Variants in KIF16B observed in about 807,000 individuals in gnomAD.
KIF16B encodes the protein kinesin-like protein KIF16B.
A neutral mutation model predicts 156.3 loss-of-function variants in KIF16B; 98 were observed. The observed-to-expected ratio is 0.63, with a 90% CI of 0.53 to 0.74. The LOEUF is 0.74. Among genes scored for constraint, KIF16B ranks in the 30% least tolerant of loss-of-function variants. KIF16B has a pLI of 0.00. For missense variants in KIF16B, 1,421 were observed against 1,606.5 expected (o/e 0.88, Z 1.97); for synonymous variants, 564 against 583.7 (o/e 0.97, Z 0.49).
At position 16,505,856 on chromosome 20, in the gene KIF16B, A is replaced by T; in HGVS notation, c.869-3T>A. The T allele has an allele frequency of 1.2e-6, 2 of 1,613,634 alleles. No individual in the cohort carries two copies. The highest frequency in any genetic ancestry group is 1.7e-6 in the Non-Finnish European group (2 of 1,179,860). On this transcript the variant is annotated splice_polypyrimidine_tract_variant and splice_region_variant and intron_variant, in intron 8 of 25. Coordinates refer to ENST00000354981, the MANE Select transcript of KIF16B (RefSeq NM_024704.5). ...TGCAGCATCCTGAGATAAATCAGCT[A>T]TGAAAAGGAAGAAACAAAGGGGAGA...
At chr20:16,338,284 C>T (rs1290435437) in intron 23 of KIF16B, among the ~76,000 whole-genome samples, 1 of 152,180 alleles carries the variant, frequency 6.6e-6, no homozygotes, top group African/African-American at 2.4e-5. Flanking sequence ...TTGTTCTTCA[C>T]TCCAACTTCC....
intron 25 of KIF16B, among the ~76,000 whole-genome samples, chr20:16,298,005 T>C (rs1412973052): frequency 2.6e-5 from 4 of 152,178 alleles, no homozygotes; most frequent in Non-Finnish European, 5.9e-5. Context: ...CAACATTCCA[T>C]TGGCTCCTGG....
chr20:16,565,743 C>A (rs2071229050), intron 1 of KIF16B, among the ~76,000 whole-genome samples: 1 of 152,230 alleles, frequency 6.6e-6, no homozygotes, highest in Non-Finnish European at 1.5e-5. Context: ...GGAGTTCCCA[C>A]CAGCACCCCG....
intron 3 of KIF16B, 151 bp downstream of exon 3, chr20:16,525,941 A>C: frequency 2.0e-6 from 1 of 499,366 alleles, no homozygotes; most frequent in South Asian, 3.6e-5. Context: ...CTCCTACATA[A>C]CACTCAGAAA....
intron 15 of KIF16B, among the ~76,000 whole-genome samples, chr20:16,414,063 C>T (rs979821428): frequency 6.6e-6 from 1 of 151,948 alleles, no homozygotes; most frequent in East Asian, 1.9e-4. Context: ...ATCTAATTTC[C>T]ACTAATACAT....
chr20:16,539,422 A>C lies in KIF16B; in HGVS notation c.48-10982T>G, dbSNP rs944682304. Among the ~76,000 whole-genome samples, 8 of 152,322 alleles carry C rather than the reference A, an allele frequency of 5.3e-5. No homozygotes were observed. In the South Asian group the frequency reaches 1.7e-3, roughly 32 times the overall value. On this transcript the variant is annotated intron_variant, in intron 1 of 25. Transcript: ENST00000354981. The stretch of plus-strand genomic sequence containing the variant: ...ATGCCTTAGCAAAGAACTTGGCTGC[A>C]TTGTGTCCATGCCCTAGAGATCTGT...
chr20:16,323,408 C>T (rs760626730), intron 24 of KIF16B, among the ~76,000 whole-genome samples: 12 of 151,960 alleles, frequency 7.9e-5, no homozygotes, highest in South Asian at 2.1e-4. Context: ...CATCAAAAGG[C>T]TCCATAATTC....
At chr20:16,360,629 C>T (rs751241047) in intron 22 of KIF16B, among the ~76,000 whole-genome samples, 13 of 152,142 alleles carry the variant, frequency 8.5e-5, no homozygotes, top group Non-Finnish European at 1.8e-4. Context: ...ACTTGAATTA[C>T]ATATCTGTAC....
intron 17 of KIF16B, chr20:16,382,137 G>T: frequency 7.4e-7 from 1 of 1,348,002 alleles, no homozygotes; most frequent in East Asian, 4.6e-5. Flanking sequence ...AAGACTGCCA[G>T]GGAGGTGGAG....
At chr20:16,481,927 C>T (rs1428613410) in intron 12 of KIF16B, among the ~76,000 whole-genome samples, 1 of 152,134 alleles carries the variant, frequency 6.6e-6, no homozygotes. Flanking sequence ...TTTGCCTGTC[C>T]TCGTTTCTCA....
intron 25 of KIF16B, among the ~76,000 whole-genome samples, chr20:16,301,126 T>C (rs1466722365): frequency 2.0e-5 from 3 of 152,234 alleles, no homozygotes; most frequent in Admixed American, 6.5e-5. Context: ...CTTAGTAATA[T>C]GCATTCAATG....
At chr20:16,325,871 A>G (rs1234048138) in intron 24 of KIF16B, among the ~76,000 whole-genome samples, 1 of 152,178 alleles carries the variant, frequency 6.6e-6, no homozygotes, top group Admixed American at 6.5e-5. Context: ...ACAAATCTAG[A>G]GGTGTCACTT....
At chr20:16,429,544 C>T (rs1346243646) in intron 13 of KIF16B, among the ~76,000 whole-genome samples, 1 of 152,128 alleles carries the variant, frequency 6.6e-6, no homozygotes, top group East Asian at 1.9e-4. Flanking sequence ...ACTGTACATA[C>T]AACAAAATCC....
intron 1 of KIF16B, among the ~76,000 whole-genome samples, chr20:16,547,431 T>C (rs922358671): frequency 6.6e-6 from 1 of 152,350 alleles, no homozygotes; most frequent in East Asian, 1.9e-4. Flanking sequence ...GACCTGACTT[T>C]GGTAAGTGAA....
intron 25 of KIF16B, among the ~76,000 whole-genome samples, chr20:16,293,962 C>T (rs1159112308): frequency 1.4e-4 from 21 of 151,528 alleles, no homozygotes; most frequent in Admixed American, 1.2e-3. Context: ...CATAGTGGGA[C>T]GTTAACAGCA....
intron 18 of KIF16B, 120 bp from the exon 19 acceptor site, chr20:16,380,283 AAAG>A: frequency 1.1e-6 from 1 of 871,688 alleles, no homozygotes; most frequent in Non-Finnish European, 1.6e-6. Flanking sequence ...AAAATAAAAA[AAAG>A]AAGAGTAACT....
intron 12 of KIF16B, among the ~76,000 whole-genome samples, chr20:16,437,329 C>A (rs1005668701): frequency 3.0e-4 from 45 of 152,320 alleles, no homozygotes; most frequent in Non-Finnish European, 6.0e-4. Context: ...ACTGGACATC[C>A]AGTTTAGCTG....
chr20:16,304,134 T>C (rs2063509404), intron 25 of KIF16B, among the ~76,000 whole-genome samples: 1 of 151,838 alleles, frequency 6.6e-6, no homozygotes, highest in African/African-American at 2.4e-5. Flanking sequence ...ATGCAGGGAG[T>C]CCTCCCTTTT....
intron 22 of KIF16B, among the ~76,000 whole-genome samples, chr20:16,365,040 T>A (rs2064633385): frequency 6.6e-6 from 1 of 152,222 alleles, no homozygotes; most frequent in Non-Finnish European, 1.5e-5. Flanking sequence ...TTCCTGACCA[T>A]GGCATCCCTC....
Sources: gnomAD v4.1 joint callset for allele counts (sites outside exome capture counted in the v4.1 genomes callset) on GRCh38, gnomAD v4.1.1 for gene constraint, MANE v1.5 for transcripts, NCBI Gene and HGNC (gene_info 2026-07-23, HGNC 2026-07-21) for gene names.